The following VAV3 variants were observed in gnomAD, a reference collection of about 807,000 sequenced individuals.
The protein encoded by VAV3 is guanine nucleotide exchange factor VAV3.
VAV3 carries 94 observed loss-of-function variants against 131.2 expected under a neutral mutation model. The ratio of observed to expected loss-of-function variants is 0.72; its 90% CI spans 0.61 to 0.85. The LOEUF (loss-of-function observed/expected upper bound fraction) is 0.85, where lower values mean the gene tolerates loss of function less well. Ranked by LOEUF, VAV3 falls within the 40% of genes least tolerant of loss-of-function variation. The probability of loss-of-function intolerance (pLI) is 0.00; values close to 1 mark genes in which losing one functional copy is unlikely to be tolerated. For synonymous variants in VAV3, 349 were observed against 342.0 expected (o/e 1.02, Z -0.22); for missense variants, 939 against 1,002.7 (o/e 0.94, Z 0.86).
intron 2 of VAV3, among the ~76,000 whole-genome samples, chr1:107,794,911 G>A (rs560794352): frequency 2.0e-5 from 3 of 152,174 alleles, no homozygotes; most frequent in Non-Finnish European, 4.4e-5. Flanking sequence ...TGTGGGGTGT[G>A]CCACTGATGC....
chr1:107,788,030 C>G (rs1011579666), intron 2 of VAV3, among the ~76,000 whole-genome samples: 1 of 152,110 alleles, frequency 6.6e-6, no homozygotes, highest in African/African-American at 2.4e-5. Context: ...TAAATCCTAT[C>G]AGTCAATTCA....
At position 107,755,439 on chromosome 1, in the gene VAV3, A is replaced by G; in HGVS notation, c.1161T>C (p.Ser387=). 1.9e-6 allele frequency: 3 copies of G among 1,611,682 alleles called. No homozygotes were observed. ...TLREIKQFQL[S]IENLNQPVLL... ...GATAATTACATACCAAATTCTCTAT[A>G]GATAGCTGAAACTGTTTAATTTCAC... is the stretch of plus-strand genomic sequence containing the variant. Residue 387 remains serine (S), a synonymous_variant, in exon 12 of 27, where the codon TCT becomes TCC. Coordinates refer to ENST00000370056, the MANE Select transcript of VAV3 (RefSeq NM_006113.5).
At chr1:107,660,217 C>T (rs1656907828) in intron 19 of VAV3, among the ~76,000 whole-genome samples, 1 of 152,180 alleles carries the variant, frequency 6.6e-6, no homozygotes, top group African/African-American at 2.4e-5. Context: ...AGATTCCTTT[C>T]TTTGCAGACC....
intron 22 of VAV3, among the ~76,000 whole-genome samples, chr1:107,605,929 C>T (rs946532059): frequency 1.3e-5 from 2 of 152,064 alleles, no homozygotes; most frequent in Non-Finnish European, 2.9e-5. Context: ...TTAAGACAAC[C>T]ACATAATCTA....
rs76740751 is a variant in VAV3, at chr1:107,763,360, A to G, written c.921+1716T>C. Reference sequence around the variant, plus strand: ...ATGGTCATTGGGCAAAACTTTGACAATAACTCTGAAAGAAGGAAGAACAAC... The same window carrying G: ...ATGGTCATTGGGCAAAACTTTGACAGTAACTCTGAAAGAAGGAAGAACAAC... On this transcript the variant is annotated intron_variant, in intron 9 of 26. Transcript: ENST00000370056. Among the ~76,000 whole-genome samples, 21 of 152,274 alleles carry G rather than the reference A, an allele frequency of 1.4e-4. No individual in the cohort carries two copies. The East Asian group carries it at 3.5e-3, about 25-fold the overall frequency.
chr1:107,798,349 C>T (rs1666651748), intron 2 of VAV3, among the ~76,000 whole-genome samples: 1 of 151,978 alleles, frequency 6.6e-6, no homozygotes, highest in Non-Finnish European at 1.5e-5. Context: ...CAAGGTGGCT[C>T]CTGCTCCCAC....
intron 2 of VAV3, among the ~76,000 whole-genome samples, chr1:107,870,861 C>T (rs957576443): frequency 1.3e-5 from 2 of 152,142 alleles, no homozygotes; most frequent in African/African-American, 4.8e-5. Flanking sequence ...CACTGTGTGT[C>T]ATGGGAAGCA....
At chr1:107,623,284 G>T (rs984440380) in intron 20 of VAV3, among the ~76,000 whole-genome samples, 2 of 152,220 alleles carry the variant, frequency 1.3e-5, no homozygotes, top group Non-Finnish European at 2.9e-5. Context: ...AAGGATCAAA[G>T]AATTAATATG....
rs560794972 is a variant in VAV3, at chr1:107,843,537, G to GTGTATA, written c.321+31363_321+31364insTATACA. ...AATGTATGTGTGCGTGTGTGTGTGTGTATATATATATATTTATATATATAT... is the reference window on the plus strand; with the variant it reads ...AATGTATGTGTGCGTGTGTGTGTGTGTGTATATATATATATATATTTATATATATAT... On this transcript the variant is annotated intron_variant, in intron 2 of 26. Coordinates refer to ENST00000370056, the MANE Select transcript of VAV3 (RefSeq NM_006113.5). 3.1e-4 allele frequency among the ~76,000 whole-genome samples: 46 copies of GTGTATA among 147,544 alleles called. 1 individual carries two copies. Among genetic ancestry groups the GTGTATA allele is most frequent in the Admixed American group, 7.5e-4 (11 of 14,724 alleles).
At chr1:107,789,571 T>C (rs374920432) in intron 2 of VAV3, among the ~76,000 whole-genome samples, 7 of 152,216 alleles carry the variant, frequency 4.6e-5, no homozygotes, top group African/African-American at 9.6e-5. Context: ...GGTCATTTCA[T>C]ACACTGCTTG....
intron 19 of VAV3, among the ~76,000 whole-genome samples, chr1:107,669,683 T>C (rs925516365): frequency 1.8e-4 from 27 of 152,166 alleles, no homozygotes; most frequent in African/African-American, 6.0e-4. Context: ...TTTACATTAG[T>C]TTTTTCTTTT....
chr1:107,804,687 C>T (rs1244818018), intron 2 of VAV3, among the ~76,000 whole-genome samples: 1 of 152,088 alleles, frequency 6.6e-6, no homozygotes, highest in East Asian at 1.9e-4. Flanking sequence ...ATCATAATTG[C>T]AGTATTAAAG....
At chr1:107,859,644 T>C (rs989628943) in intron 2 of VAV3, among the ~76,000 whole-genome samples, 2 of 152,142 alleles carry the variant, frequency 1.3e-5, no homozygotes, top group South Asian at 4.1e-4. Flanking sequence ...TAAAGCTTTA[T>C]TCAAACTCAA....
At chr1:107,875,926 T>C (rs1183489917) in intron 1 of VAV3, among the ~76,000 whole-genome samples, 1 of 152,168 alleles carries the variant, frequency 6.6e-6, no homozygotes, top group Non-Finnish European at 1.5e-5. Flanking sequence ...GATAGGTGTG[T>C]ACTTCAGACA....
intron 2 of VAV3, among the ~76,000 whole-genome samples, chr1:107,812,538 G>A (rs1294691315): frequency 6.6e-6 from 1 of 151,740 alleles, no homozygotes; most frequent in South Asian, 2.1e-4. Context: ...ATATATACAG[G>A]ACTATTTTTA....
At chr1:107,647,895 T>A (rs767510064) in intron 19 of VAV3, among the ~76,000 whole-genome samples, 1 of 152,098 alleles carries the variant, frequency 6.6e-6, no homozygotes, top group African/African-American at 2.4e-5. Context: ...AGAATCAGGT[T>A]GAGCCTGGGA....
intron 2 of VAV3, among the ~76,000 whole-genome samples, chr1:107,827,430 T>C (rs1277809777): frequency 1.3e-5 from 2 of 152,082 alleles, no homozygotes; most frequent in African/African-American, 4.8e-5. Flanking sequence ...TATGAAGAAA[T>C]GTGAGTGGGA....
chr1:107,785,674 A>G (rs1398546096), intron 2 of VAV3: 4 of 1,110,232 alleles, frequency 3.6e-6, no homozygotes, highest in Non-Finnish European at 4.4e-6. Flanking sequence ...CTTGGGCCCC[A>G]GAAGAGGGAA....
intron 17 of VAV3, among the ~76,000 whole-genome samples, chr1:107,696,784 A>G (rs1450630283): frequency 6.6e-6 from 1 of 151,564 alleles, no homozygotes; most frequent in Non-Finnish European, 1.5e-5. Flanking sequence ...ATCATATCAC[A>G]CTCTTCTCCA....
Sources: allele counts gnomAD v4.1 joint callset (sites outside exome capture counted in the v4.1 genomes callset), GRCh38; gene constraint gnomAD v4.1.1; transcripts MANE v1.5; gene names NCBI Gene and HGNC (gene_info 2026-07-23, HGNC 2026-07-21).